Variants in C2orf78 observed in about 807,000 individuals in gnomAD.
The protein encoded by C2orf78 is uncharacterized protein C2orf78.
In C2orf78, 12 loss-of-function variants were observed where a neutral mutation model predicts 21.4. The ratio of observed to expected loss-of-function variants is 0.56; its 90% CI spans 0.36 to 0.91. The LOEUF (loss-of-function observed/expected upper bound fraction) is 0.91, where lower values mean the gene tolerates loss of function less well. Ranked by LOEUF, C2orf78 falls within the 40% of genes least tolerant of loss-of-function variation. C2orf78 has a pLI of 0.01. For missense variants in C2orf78, 1,042 were observed against 1,092.4 expected (o/e 0.95, Z 0.65); for synonymous variants, 396 against 413.9 (o/e 0.96, Z 0.52).
intron 1 of C2orf78, among the ~76,000 whole-genome samples, chr2:73,811,649 A>G (rs1001782014): frequency 2.0e-5 from 3 of 152,156 alleles, no homozygotes; most frequent in Non-Finnish European, 2.9e-5. Flanking sequence ...ATCTAAGCCA[A>G]ATTTTCTGGA....
intron 2 of C2orf78, 72 bp from the exon 3 acceptor site, chr2:73,814,999 G>A (rs933559323): frequency 9.7e-5 from 140 of 1,440,554 alleles, no homozygotes; most frequent in Non-Finnish European, 1.2e-4. Context: ...AAAGGTATCC[G>A]ATTGCTGCAC....
chr2:73,808,872 T>C lies in C2orf78; in HGVS notation c.98-4605T>C, dbSNP rs748535107. 2.0e-5 allele frequency: 26 copies of C among 1,291,018 alleles called. No individual in the cohort carries two copies. The South Asian group carries it at 3.1e-4, about 15-fold the overall frequency. The allele number at this position is 1,291,018 out of a possible 1,614,324, so 80.0% of individuals were successfully genotyped here. ...GTCTCTTCTTCCCTTCTATCTGCAGTTGATGTTTCTTCTTCTCTGACCATG... is the reference window on the plus strand; with the variant it reads ...GTCTCTTCTTCCCTTCTATCTGCAGCTGATGTTTCTTCTTCTCTGACCATG... On this transcript the variant is annotated intron_variant, in intron 1 of 2. Coordinates refer to ENST00000409561, the Ensembl canonical transcript of C2orf78.
chr2:73,810,691 T>C (rs1463663203), intron 1 of C2orf78, among the ~76,000 whole-genome samples: 1 of 133,426 alleles, frequency 7.5e-6, no homozygotes, highest in Admixed American at 8.3e-5. Context: ...TATACATATA[T>C]ATTTTATATA....
chr2:73,815,581 T>TC lies in C2orf78; in HGVS notation c.1364dup (p.Ile456AspfsTer9). The TC allele has an allele frequency of 6.2e-7, 1 of 1,613,662 alleles. No homozygotes were observed. Among genetic ancestry groups the TC allele is most frequent in the Non-Finnish European group, 8.5e-7 (1 of 1,179,812 alleles). On this transcript the variant is annotated frameshift_variant, in exon 3 of 3. Transcript: ENST00000409561. LOFTEE classifies it low-confidence loss of function (END_TRUNC). Reference sequence around the variant, plus strand: ...ACTACATGGGTGGAGGATACTTACCTCCCCCCGATCTTCAGTTCCTTACAA... The same window carrying TC: ...ACTACATGGGTGGAGGATACTTACCTCCCCCCCGATCTTCAGTTCCTTACAA...
exon 3 of C2orf78, chr2:73,816,755 A>C: frequency 6.2e-7 from 1 of 1,613,798 alleles, no homozygotes; most frequent in South Asian, 1.1e-5. Flanking sequence ...CTCAAAATCA[A>C]TTTCTAATCC....
At chr2:73,810,766 ATATATATAAAATATACATGTATATTT>A (rs1414570763) in intron 1 of C2orf78, among the ~76,000 whole-genome samples, 2 of 129,034 alleles carry the variant, frequency 1.5e-5, no homozygotes, top group Non-Finnish European at 3.2e-5. Flanking sequence ...TATATATAAT[ATATATATAAAATATACATGTATATTT>A]TATATATATA....
chr2:73,810,674 A>G (rs1022690592), intron 1 of C2orf78, among the ~76,000 whole-genome samples: 8 of 134,450 alleles, frequency 6.0e-5, no homozygotes, highest in African/African-American at 2.3e-4. Context: ...TATATAATAT[A>G]ATAAAATATA....
chr2:73,813,754 C>T (rs770875872), exon 2 of C2orf78: 10 of 1,613,914 alleles, frequency 6.2e-6, no homozygotes, highest in African/African-American at 5.3e-5. Context: ...CTTATCCAGG[C>T]GTTTTTGAGT....
intron 1 of C2orf78, among the ~76,000 whole-genome samples, chr2:73,812,694 C>T (rs904730712): frequency 6.6e-6 from 1 of 152,108 alleles, no homozygotes; most frequent in Non-Finnish European, 1.5e-5. Flanking sequence ...AGCCACTGCA[C>T]TCCAGCCTGG....
chr2:73,807,007 C>T (rs1360697998), intron 1 of C2orf78, among the ~76,000 whole-genome samples: 4 of 141,940 alleles, frequency 2.8e-5, no homozygotes, highest in East Asian at 3.9e-4. Flanking sequence ...GGTGAAACCC[C>T]GTCTCTACAA....
intron 1 of C2orf78, among the ~76,000 whole-genome samples, chr2:73,813,249 G>C (rs1476605460): frequency 2.0e-5 from 3 of 152,134 alleles, no homozygotes; most frequent in Non-Finnish European, 4.4e-5. Context: ...CAGACCATTT[G>C]GGTCTTCATA....
chr2:73,797,661 GAAGA>G (rs1672953211), intron 1 of C2orf78, among the ~76,000 whole-genome samples: 1 of 482 alleles, frequency 2.1e-3, no homozygotes, highest in African/African-American at 0.013. Context: ...TCTTATGTGA[GAAGA>G]AAGAAAGTAT....
chr2:73,815,101 C>G, exon 3 of C2orf78: 1 of 1,613,334 alleles, frequency 6.2e-7, no homozygotes, highest in South Asian at 1.1e-5. Context: ...ATGGATACTT[C>G]CCTGGGATTG....
At chr2:73,817,147 G>A in exon 3 of C2orf78, 1 of 811,860 alleles carries the variant, frequency 1.2e-6, no homozygotes, top group East Asian at 3.4e-5. Flanking sequence ...TTTGAGTTTT[G>A]AGATGCTGTT....
In C2orf78 at chr2:73,807,811, A is replaced by G. The variant is rs905510293; in HGVS notation, c.98-5666A>G. On this transcript the variant is annotated intron_variant, in intron 1 of 2. Transcript: ENST00000409561. ...AGAGCAGAAGAGAGATCCAAGTCCA[A>G]CCTGGCCCAGCCCAAAGAAGGTGGA... Among the ~76,000 whole-genome samples, 112 of 146,424 alleles carry G rather than the reference A, an allele frequency of 7.6e-4. 2 individuals carry two copies. Among genetic ancestry groups the G allele is most frequent in the Non-Finnish European group, 1.4e-3 (91 of 67,178 alleles).
exon 3 of C2orf78, chr2:73,816,960 G>A (rs267599452): frequency 2.5e-6 from 4 of 1,610,298 alleles, no homozygotes; most frequent in Middle Eastern, 1.6e-4. Flanking sequence ...AAGAGATATG[G>A]AAATTGCTGA....
intron 1 of C2orf78, among the ~76,000 whole-genome samples, chr2:73,798,165 C>A (rs1445974818): frequency 7.4e-6 from 1 of 134,882 alleles, no homozygotes; most frequent in Non-Finnish European, 1.6e-5. Flanking sequence ...CCATTAAAAG[C>A]GGCAGTGGGG....
At chr2:73,813,715 C>A (rs1335403774) in exon 2 of C2orf78, 2 of 1,614,020 alleles carry the variant, frequency 1.2e-6, no homozygotes, top group South Asian at 2.2e-5. Flanking sequence ...GGGTTACTGG[C>A]CAGAGCCATA....
exon 3 of C2orf78, chr2:73,816,018 A>G: frequency 1.2e-6 from 2 of 1,613,990 alleles, no homozygotes; most frequent in African/African-American, 1.3e-5. Context: ...GGTAGAAGAG[A>G]AGCAAACCAT....
Sources: allele counts gnomAD v4.1 joint callset (sites outside exome capture counted in the v4.1 genomes callset), GRCh38; gene constraint gnomAD v4.1.1; transcripts MANE v1.5; gene names NCBI Gene and HGNC (gene_info 2026-07-23, HGNC 2026-07-21).